FAM168A: variants seen among roughly 807,000 people sequenced by gnomAD.
FAM168A encodes the protein protein FAM168A.
FAM168A carries 3 observed loss-of-function variants against 28.5 expected under a neutral mutation model. The observed-to-expected ratio is 0.11, with a 90% CI of 0.05 to 0.27. FAM168A has a LOEUF of 0.27. FAM168A is among the 10% of genes least tolerant of loss of function. The pLI is 1.00. For missense variants in FAM168A, 222 were observed against 311.5 expected, an observed-to-expected ratio of 0.71 and a Z score of 2.16; for synonymous variants, 122 against 124.2, an observed-to-expected ratio of 0.98 and a Z score of 0.12.
chr11:73,595,080 TC>T (rs1309203406), intron 1 of FAM168A, among the ~76,000 whole-genome samples: 1 of 152,170 alleles, frequency 6.6e-6, no homozygotes, highest in Non-Finnish European at 1.5e-5. Context: ...AACACATTTC[TC>T]CCAGGCACTT....
intron 1 of FAM168A, among the ~76,000 whole-genome samples, chr11:73,581,356 T>C (rs1435904016): frequency 1.3e-5 from 2 of 152,380 alleles, no homozygotes; most frequent in East Asian, 3.9e-4. Context: ...ATAATACTTG[T>C]ATACCACATT....
chr11:73,477,902 G>A (rs2134589145), intron 1 of FAM168A, among the ~76,000 whole-genome samples: 1 of 151,440 alleles, frequency 6.6e-6, no homozygotes, highest in Admixed American at 6.6e-5. Flanking sequence ...AAAATAAAGA[G>A]CACCAGGAAA....
chr11:73,513,807 A>G (rs1279473264), intron 1 of FAM168A, among the ~76,000 whole-genome samples: 1 of 152,152 alleles, frequency 6.6e-6, no homozygotes, highest in Non-Finnish European at 1.5e-5. Context: ...AACCCAGAAT[A>G]TGTGAATTCA....
chr11:73,576,953 TAAA>T (rs11336010), intron 1 of FAM168A, among the ~76,000 whole-genome samples: 1 of 144,768 alleles, frequency 6.9e-6, no homozygotes, highest in Non-Finnish European at 1.5e-5. Context: ...TCCCATTATT[TAAA>T]AAAAAAAAAA....
chr11:73,529,163 C>A (rs1362140689), intron 1 of FAM168A, among the ~76,000 whole-genome samples: 1 of 152,198 alleles, frequency 6.6e-6, no homozygotes, highest in Non-Finnish European at 1.5e-5. Flanking sequence ...CCCAGCCCCC[C>A]AAACAGCTAG....
At chr11:73,469,057 A>G (rs1867777369) in intron 1 of FAM168A, among the ~76,000 whole-genome samples, 1 of 152,200 alleles carries the variant, frequency 6.6e-6, no homozygotes, top group South Asian at 2.1e-4. Context: ...TTAAAAACAG[A>G]AAAGGGAATT....
chr11:73,556,835 A>G (rs1273779729), intron 1 of FAM168A, among the ~76,000 whole-genome samples: 1 of 152,058 alleles, frequency 6.6e-6, no homozygotes, highest in East Asian at 1.9e-4. Context: ...AGCCTGGCCA[A>G]CATGGCAAAA....
At chr11:73,526,329 G>C (rs527954195) in intron 1 of FAM168A, among the ~76,000 whole-genome samples, 1 of 152,110 alleles carries the variant, frequency 6.6e-6, no homozygotes, top group Non-Finnish European at 1.5e-5. Flanking sequence ...AAAAATTATA[G>C]AGTGATAATA....
intron 1 of FAM168A, among the ~76,000 whole-genome samples, chr11:73,543,227 T>G (rs1232789877): frequency 6.6e-6 from 1 of 151,180 alleles, no homozygotes; most frequent in East Asian, 1.9e-4. Context: ...GTAAGTATAA[T>G]CAATACTAGT....
At chr11:73,491,160 ACTCCCCAGACAG>A (rs1269487577) in intron 1 of FAM168A, among the ~76,000 whole-genome samples, 3 of 151,994 alleles carry the variant, frequency 2.0e-5, no homozygotes, top group Admixed American at 1.3e-4. Context: ...ATATACACAT[ACTCCCCAGACAG>A]CTGGCCAGAG....
At chr11:73,548,554 A>T (rs952950285) in intron 1 of FAM168A, among the ~76,000 whole-genome samples, 1 of 152,246 alleles carries the variant, frequency 6.6e-6, no homozygotes, top group Non-Finnish European at 1.5e-5. Context: ...TCATAAAGAT[A>T]TAATACTTTC....
chr11:73,523,661 G>T lies in FAM168A; in HGVS notation c.-18-55169C>A, dbSNP rs181467270. ...GGGTTTCGCCACGTTGCCCAGGCTG[G>T]TCTCAAACTCTTCCTGGACCCAAGC... is the stretch of plus-strand genomic sequence containing the variant. On this transcript the variant is annotated intron_variant, in intron 1 of 7. Transcript: ENST00000356467. Among the ~76,000 whole-genome samples, 550 of 152,142 alleles carry T rather than the reference G, an allele frequency of 3.6e-3. 2 individuals carry two copies. The highest frequency in any genetic ancestry group is 0.012 in the African/African-American group (518 of 41,482).
intron 1 of FAM168A, among the ~76,000 whole-genome samples, chr11:73,566,703 T>C (rs1234606188): frequency 6.6e-6 from 1 of 152,190 alleles, no homozygotes; most frequent in Admixed American, 6.5e-5. Flanking sequence ...CTCTACTCAT[T>C]CAAGCAATTA....
intron 2 of FAM168A, among the ~76,000 whole-genome samples, chr11:73,458,375 G>T (rs74393865): frequency 2.6e-5 from 4 of 152,106 alleles, no homozygotes; most frequent in Non-Finnish European, 5.9e-5. Context: ...TGGGTGCTTC[G>T]CATGTAAATC....
chr11:73,553,752 C>G (rs1466224518), intron 1 of FAM168A, among the ~76,000 whole-genome samples: 1 of 150,242 alleles, frequency 6.7e-6, no homozygotes, highest in Admixed American at 6.6e-5. Flanking sequence ...GAGGCCAAGG[C>G]AGGCAGATGG....
At chr11:73,475,025 T>A (rs953645702) in intron 1 of FAM168A, among the ~76,000 whole-genome samples, 1 of 152,174 alleles carries the variant, frequency 6.6e-6, no homozygotes, top group African/African-American at 2.4e-5. Context: ...AGATTCCTCC[T>A]GGTGAAGCTG....
intron 1 of FAM168A, among the ~76,000 whole-genome samples, chr11:73,571,591 C>T (rs1288890074): frequency 6.6e-6 from 1 of 151,558 alleles, no homozygotes; most frequent in East Asian, 2.0e-4. Context: ...GATCTCGGCT[C>T]GCTACAACCT....
At chr11:73,485,763 C>T (rs1444129075) in intron 1 of FAM168A, among the ~76,000 whole-genome samples, 1 of 152,112 alleles carries the variant, frequency 6.6e-6, no homozygotes, top group Non-Finnish European at 1.5e-5. Flanking sequence ...CCTACTTTGT[C>T]CAGATGCCCT....
intron 1 of FAM168A, among the ~76,000 whole-genome samples, chr11:73,553,310 G>A (rs1943850020): frequency 6.6e-6 from 1 of 152,076 alleles, no homozygotes; most frequent in South Asian, 2.1e-4. Context: ...GTTTCAAGAA[G>A]GGCCCTCAAA....
Sources: allele counts gnomAD v4.1 joint callset (sites outside exome capture counted in the v4.1 genomes callset), GRCh38; gene constraint gnomAD v4.1.1; transcripts MANE v1.5; gene names NCBI Gene and HGNC (gene_info 2026-07-23, HGNC 2026-07-21).